Variants in ARL15 observed in about 807,000 individuals in gnomAD.
ARL15 encodes ARF like GTPase 15, also known as ADP-ribosylation factor-like protein 15.
Under a neutral mutation model 25.2 loss-of-function variants are expected in ARL15, and 19 were observed. The ratio of observed to expected loss-of-function variants is 0.75; its 90% CI spans 0.53 to 1.10. The LOEUF (loss-of-function observed/expected upper bound fraction) is 1.10, where lower values mean the gene tolerates loss of function less well. ARL15 is among the 50% of genes least tolerant of loss of function. The pLI is 0.00. For missense variants in ARL15, 220 were observed against 246.0 expected (o/e 0.89, Z 0.71); for synonymous variants, 94 against 86.8 (o/e 1.08, Z -0.46).
chr5:54,114,458 T>C (rs1456985466), intron 3 of ARL15, among the ~76,000 whole-genome samples: 3 of 142,722 alleles, frequency 2.1e-5, no homozygotes, highest in Admixed American at 7.1e-5. Flanking sequence ...AGCCAAGGCA[T>C]GTCATGTAGT....
At chr5:54,119,326 C>T (rs1753005043) in intron 3 of ARL15, among the ~76,000 whole-genome samples, 1 of 152,130 alleles carries the variant, frequency 6.6e-6, no homozygotes, top group Admixed American at 6.6e-5. Context: ...TGCATGTTCT[C>T]TCACCATGTG....
At chr5:54,219,746 G>T (rs1756316934) in intron 1 of ARL15, among the ~76,000 whole-genome samples, 1 of 152,070 alleles carries the variant, frequency 6.6e-6, no homozygotes, top group Admixed American at 6.6e-5. Context: ...TTCAAAATGT[G>T]GTTTTTAAGA....
intron 4 of ARL15, among the ~76,000 whole-genome samples, chr5:53,975,126 T>G (rs1747885420): frequency 6.6e-6 from 1 of 152,190 alleles, no homozygotes. Flanking sequence ...TTTTTTTTCC[T>G]TACTCCTACA....
intron 4 of ARL15, among the ~76,000 whole-genome samples, chr5:53,907,150 A>G (rs1745271788): frequency 6.6e-6 from 1 of 151,976 alleles, no homozygotes; most frequent in South Asian, 2.1e-4. Flanking sequence ...CAGGGGACTT[A>G]CTTTTCATTT....
intron 1 of ARL15, among the ~76,000 whole-genome samples, chr5:54,191,800 C>T (rs72752152): frequency 3.3e-5 from 5 of 152,228 alleles, no homozygotes; most frequent in Middle Eastern, 3.4e-3. Flanking sequence ...CTCAAACCTC[C>T]GTATAGTCTA....
At chr5:54,051,156 GGC>G (rs1251472539) in intron 4 of ARL15, among the ~76,000 whole-genome samples, 2 of 152,114 alleles carry the variant, frequency 1.3e-5, no homozygotes, top group African/African-American at 4.8e-5. Flanking sequence ...TCTCCTTTGT[GGC>G]ACATGCGTCA....
chr5:53,942,439 T>C (rs931881652), intron 4 of ARL15, among the ~76,000 whole-genome samples: 26 of 152,248 alleles, frequency 1.7e-4, no homozygotes, highest in Non-Finnish European at 1.0e-4. Flanking sequence ...ATAGGCATCA[T>C]TGGTGTATTT....
At chr5:54,202,301 G>A (rs1403463288) in intron 1 of ARL15, among the ~76,000 whole-genome samples, 1 of 152,092 alleles carries the variant, frequency 6.6e-6, no homozygotes, top group Non-Finnish European at 1.5e-5. Context: ...GGGCATCAAG[G>A]TTACTAATCA....
At chr5:54,307,389 C>T (rs187150427) in intron 1 of ARL15, among the ~76,000 whole-genome samples, 63 of 152,186 alleles carry the variant, frequency 4.1e-4, no homozygotes, top group Non-Finnish European at 7.9e-4. Flanking sequence ...AATAAAATAT[C>T]GGGCCCTAAC....
intron 1 of ARL15, among the ~76,000 whole-genome samples, chr5:54,200,160 G>A (rs1166435073): frequency 7.6e-6 from 1 of 131,392 alleles, no homozygotes; most frequent in East Asian, 2.7e-4. Context: ...GGGGGGAGGG[G>A]GCAGGGATAG....
At chr5:54,198,253 T>C in intron 1 of ARL15, among the ~76,000 whole-genome samples, 1 of 152,122 alleles carries the variant, frequency 6.6e-6, no homozygotes. Context: ...GGATGCCCTC[T>C]CTCACCGCTC....
intron 1 of ARL15, among the ~76,000 whole-genome samples, chr5:54,249,691 A>AC (rs900625938): frequency 6.7e-6 from 1 of 150,348 alleles, no homozygotes; most frequent in African/African-American, 2.5e-5. Flanking sequence ...AAAAAAAAAA[A>AC]ACTTTAACAG....
At chr5:54,065,069 G>A (rs1199331080) in intron 4 of ARL15, among the ~76,000 whole-genome samples, 3 of 152,116 alleles carry the variant, frequency 2.0e-5, no homozygotes, top group Non-Finnish European at 4.4e-5. Flanking sequence ...AAGATATAAT[G>A]TACATTAAAA....
At chr5:54,118,929 A>C (rs1752990421) in intron 3 of ARL15, among the ~76,000 whole-genome samples, 2 of 152,084 alleles carry the variant, frequency 1.3e-5, no homozygotes, top group South Asian at 4.1e-4. Flanking sequence ...CCCTCTCCTC[A>C]CCTTATCCTC....
chr5:54,293,534 G>C (rs141326191), intron 1 of ARL15, among the ~76,000 whole-genome samples: 1 of 152,296 alleles, frequency 6.6e-6, no homozygotes, highest in East Asian at 1.9e-4. Flanking sequence ...TCATAGTAAA[G>C]TGAAGAGAGA....
At chr5:54,292,373 T>C (rs1758356363) in intron 1 of ARL15, among the ~76,000 whole-genome samples, 1 of 152,212 alleles carries the variant, frequency 6.6e-6, no homozygotes, top group Admixed American at 6.5e-5. Flanking sequence ...GTATAGTCAT[T>C]GCCTATGTTT....
intron 4 of ARL15, among the ~76,000 whole-genome samples, chr5:54,084,023 G>T (rs1282296567): frequency 6.6e-6 from 1 of 152,130 alleles, no homozygotes; most frequent in Admixed American, 6.5e-5. Context: ...CATAGCCAGG[G>T]TGCCATGGGA....
intron 4 of ARL15, among the ~76,000 whole-genome samples, chr5:53,907,144 G>A (rs1481217746): frequency 1.3e-5 from 2 of 151,684 alleles, no homozygotes; most frequent in African/African-American, 4.8e-5. Context: ...TCCTAGCAGG[G>A]GACTTACTTT....
Position 54,263,541 on chromosome 5 carries a change from G to T in ARL15, c.48+46891C>A, listed in dbSNP as rs191965921. Reference sequence around the variant, plus strand: ...TATGTATGCTTCCCAGCCCATTATTGTCTATAACCCTATGGTTCCACGAAG... The same window carrying T: ...TATGTATGCTTCCCAGCCCATTATTTTCTATAACCCTATGGTTCCACGAAG... On this transcript the variant is annotated intron_variant, in intron 1 of 4. Coordinates refer to ENST00000504924, the MANE Select transcript of ARL15 (RefSeq NM_019087.3). 2.6e-5 allele frequency among the ~76,000 whole-genome samples: 4 copies of T among 152,220 alleles called. No homozygotes were observed. In the East Asian group the frequency reaches 5.8e-4, roughly 22 times the overall value.
Sources: allele counts gnomAD v4.1 joint callset (sites outside exome capture counted in the v4.1 genomes callset), GRCh38; gene constraint gnomAD v4.1.1; transcripts MANE v1.5; gene names NCBI Gene and HGNC (gene_info 2026-07-23, HGNC 2026-07-21).